The following PLEKHA7 variants were observed in gnomAD, a reference collection of about 807,000 sequenced individuals.
PLEKHA7 encodes pleckstrin homology domain-containing family A member 7.
A neutral mutation model predicts 170.0 loss-of-function variants in PLEKHA7; 104 were observed. The observed-to-expected ratio is 0.61, with a 90% CI of 0.52 to 0.72. The LOEUF is 0.72. PLEKHA7 is among the 30% of genes least tolerant of loss of function. The pLI is 0.00. For missense variants in PLEKHA7, 1,615 were observed against 1,671.7 expected, an observed-to-expected ratio of 0.97 and a Z score of 0.59; for synonymous variants, 648 against 660.8, an observed-to-expected ratio of 0.98 and a Z score of 0.30.
At chr11:16,841,081 T>C (rs572731927) in intron 9 of PLEKHA7, among the ~76,000 whole-genome samples, 11 of 152,314 alleles carry the variant, frequency 7.2e-5, no homozygotes, top group African/African-American at 2.6e-4. Context: ...TCCACTCATA[T>C]TCCTCTTGTT....
intron 3 of PLEKHA7, among the ~76,000 whole-genome samples, chr11:16,981,937 C>T (rs751322710): frequency 6.6e-6 from 1 of 152,146 alleles, no homozygotes; most frequent in African/African-American, 2.4e-5. Context: ...TGTTTACCCA[C>T]GTTGCCCTTA....
Position 16,790,884 on chromosome 11 carries a change from T to G in PLEKHA7, c.2966A>C (p.Glu989Ala). ...CATGTCCCCGCTGAGGGTCGCCAGCTCAGGCTCACTGACATACGACCGCAG... is the reference window on the plus strand; with the variant it reads ...CATGTCCCCGCTGAGGGTCGCCAGCGCAGGCTCACTGACATACGACCGCAG... The part of the protein sequence containing the change: ...VELRSYVSEP[E>A]LATLSGDMAQ... Residue 989 changes from glutamate to alanine, a missense_variant, in exon 21 of 27, where the codon GAG becomes GCG. Transcript: ENST00000531066. The G allele has an allele frequency of 6.2e-7, 1 of 1,612,888 alleles. No homozygotes were observed. The highest frequency in any genetic ancestry group is 1.1e-5 in the South Asian group (1 of 90,908).
At chr11:16,911,600 G>C (rs371820332) in intron 3 of PLEKHA7, among the ~76,000 whole-genome samples, 1 of 152,046 alleles carries the variant, frequency 6.6e-6, no homozygotes, top group South Asian at 2.1e-4. Flanking sequence ...TCTGTAAAGA[G>C]GTCTCTACAA....
intron 3 of PLEKHA7, among the ~76,000 whole-genome samples, chr11:16,894,129 G>A (rs182953288): frequency 1.2e-4 from 18 of 152,318 alleles, no homozygotes; most frequent in East Asian, 7.7e-4. Flanking sequence ...AAGGTCCTGT[G>A]AGACTTCGTT....
At chr11:16,884,794 G>A (rs1855958047) in intron 3 of PLEKHA7, among the ~76,000 whole-genome samples, 1 of 152,098 alleles carries the variant, frequency 6.6e-6, no homozygotes, top group Non-Finnish European at 1.5e-5. Flanking sequence ...TCCCAGTGTT[G>A]AGGGTGAACA....
chr11:16,925,246 C>G (rs1246452737), intron 3 of PLEKHA7, among the ~76,000 whole-genome samples: 1 of 152,212 alleles, frequency 6.6e-6, no homozygotes, highest in East Asian at 1.9e-4. Flanking sequence ...TTAACAAGAA[C>G]GCAGTCTGTA....
chr11:16,806,591 G>A (rs1849006469), intron 13 of PLEKHA7, among the ~76,000 whole-genome samples: 1 of 152,174 alleles, frequency 6.6e-6, no homozygotes, highest in Admixed American at 6.5e-5. Context: ...ATCCTCCCCT[G>A]GAATGCTGTG....
At chr11:16,837,857 G>A (rs1324743709) in intron 9 of PLEKHA7, among the ~76,000 whole-genome samples, 2 of 152,038 alleles carry the variant, frequency 1.3e-5, no homozygotes, top group Non-Finnish European at 2.9e-5. Context: ...GTCCACGATG[G>A]GGAGGAAGAA....
intron 3 of PLEKHA7, among the ~76,000 whole-genome samples, chr11:16,954,156 A>C (rs1861563351): frequency 6.6e-6 from 1 of 152,222 alleles, no homozygotes; most frequent in African/African-American, 2.4e-5. Context: ...ATAGCCAAAA[A>C]ATAAGATAAA....
intron 13 of PLEKHA7, among the ~76,000 whole-genome samples, chr11:16,804,520 G>A (rs1848813346): frequency 1.3e-5 from 2 of 152,164 alleles, no homozygotes. Flanking sequence ...CAAATCCAAA[G>A]GTCAAGGGAG....
chr11:16,913,874 C>A (rs1858441220), intron 3 of PLEKHA7, among the ~76,000 whole-genome samples: 1 of 152,214 alleles, frequency 6.6e-6, no homozygotes, highest in Non-Finnish European at 1.5e-5. Context: ...AAGAGTCCAC[C>A]AAAATACACT....
intron 3 of PLEKHA7, among the ~76,000 whole-genome samples, chr11:16,926,877 A>G (rs1859587745): frequency 6.6e-6 from 1 of 152,156 alleles, no homozygotes; most frequent in South Asian, 2.1e-4. Flanking sequence ...TCCCTGATCC[A>G]TGGCTGTCCT....
At chr11:16,957,208 G>C (rs991040158) in intron 3 of PLEKHA7, among the ~76,000 whole-genome samples, 2 of 152,140 alleles carry the variant, frequency 1.3e-5, no homozygotes, top group Non-Finnish European at 2.9e-5. Flanking sequence ...GTTAATCTGA[G>C]ATACAAAAAG....
chr11:16,908,658 G>C (rs1024978876), intron 3 of PLEKHA7, among the ~76,000 whole-genome samples: 1 of 152,060 alleles, frequency 6.6e-6, no homozygotes, highest in Admixed American at 6.5e-5. Flanking sequence ...ACCATGCCCA[G>C]GTAATTTTTG....
chr11:16,906,009 C>G (rs1857636738), intron 3 of PLEKHA7, among the ~76,000 whole-genome samples: 1 of 152,124 alleles, frequency 6.6e-6, no homozygotes, highest in Admixed American at 6.5e-5. Context: ...CATTCAGGCT[C>G]TCGGCACTGC....
chr11:16,997,427 G>A (rs1864405506), intron 3 of PLEKHA7, among the ~76,000 whole-genome samples: 1 of 152,128 alleles, frequency 6.6e-6, no homozygotes, highest in South Asian at 2.1e-4. Flanking sequence ...TGTCTGAGTG[G>A]GGCTAGGGTG....
intron 3 of PLEKHA7, among the ~76,000 whole-genome samples, chr11:16,885,378 G>A (rs1243280299): frequency 6.6e-6 from 1 of 151,774 alleles, no homozygotes; most frequent in Admixed American, 6.6e-5. Context: ...AAAGCAAGAT[G>A]CCAGGTGTGG....
At chr11:16,887,628 G>T (rs543048347) in intron 3 of PLEKHA7, among the ~76,000 whole-genome samples, 1 of 152,178 alleles carries the variant, frequency 6.6e-6, no homozygotes, top group South Asian at 2.1e-4. Context: ...GCTCCTAACC[G>T]CGAGTGATCT....
intron 3 of PLEKHA7, among the ~76,000 whole-genome samples, chr11:16,926,134 C>T (rs540773322): frequency 6.6e-6 from 1 of 152,304 alleles, no homozygotes; most frequent in Admixed American, 6.5e-5. Flanking sequence ...CTAACAATCC[C>T]TGGTAAATTG....
Sources: gnomAD v4.1 joint callset for allele counts (sites outside exome capture counted in the v4.1 genomes callset) on GRCh38, gnomAD v4.1.1 for gene constraint, MANE v1.5 for transcripts, NCBI Gene and HGNC (gene_info 2026-07-23, HGNC 2026-07-21) for gene names.